KCTD2: variants seen among roughly 807,000 people sequenced by gnomAD.
KCTD2 encodes potassium channel tetramerization domain containing 2.
KCTD2 carries 18 observed loss-of-function variants against 27.9 expected under a neutral mutation model. That is an observed-to-expected ratio of 0.64 (90% CI 0.45 to 0.96). The LOEUF is 0.96. Ranked by LOEUF, KCTD2 falls within the 40% of genes least tolerant of loss-of-function variation. KCTD2 has a pLI of 0.00. For synonymous variants in KCTD2, 175 were observed against 148.4 expected, an observed-to-expected ratio of 1.18 and a Z score of -1.30; for missense variants, 280 against 348.0, an observed-to-expected ratio of 0.80 and a Z score of 1.56.
intron 3 of KCTD2, among the ~76,000 whole-genome samples, chr17:75,038,284 C>A (rs1004771861): frequency 5.3e-5 from 8 of 151,580 alleles, no homozygotes; most frequent in Admixed American, 2.6e-4. Context: ...ACAGGCGCCC[C>A]CCGCCCCACC....
chr17:75,060,702 C>T (rs1044721073), intron 4 of KCTD2: 24 of 1,037,494 alleles, frequency 2.3e-5, no homozygotes, highest in Non-Finnish European at 2.8e-5. Context: ...GGGTCTCGGT[C>T]GCCGCCACTC....
At chr17:75,054,006 A>G (rs2073322844) in intron 3 of KCTD2, among the ~76,000 whole-genome samples, 1 of 151,132 alleles carries the variant, frequency 6.6e-6, no homozygotes, top group East Asian at 2.0e-4. Context: ...GCTCTTTATG[A>G]TGGTGTCTTG....
At chr17:75,052,654 C>A (rs188297186) in intron 2 of KCTD2, among the ~76,000 whole-genome samples, 1 of 152,142 alleles carries the variant, frequency 6.6e-6, no homozygotes. Context: ...ACCCAGCAGG[C>A]GGAGTTTGCA....
chr17:75,052,618 A>G (rs11651848), intron 2 of KCTD2, among the ~76,000 whole-genome samples: 151,590 of 152,360 alleles, frequency 0.99, 75,417 homozygotes, highest in East Asian at 1. Context: ...AGCTACTTGG[A>G]AGGCTGAGGC....
At chr17:75,058,184 C>T (rs1401026122) in intron 3 of KCTD2, among the ~76,000 whole-genome samples, 3 of 151,944 alleles carry the variant, frequency 2.0e-5, no homozygotes, top group East Asian at 2.0e-4. Context: ...CTTAGCCAAG[C>T]GTGGTGGTGG....
At chr17:75,042,478 G>C (rs2073171181), upstream of KCTD2, 2 of 1,593,142 alleles carry the variant, frequency 1.3e-6, no homozygotes, top group Non-Finnish European at 1.7e-6. Context: ...ATACTGTTTT[G>C]TTTCTAGATT....
upstream of KCTD2, among the ~76,000 whole-genome samples, chr17:75,044,524 TAG>T (rs1309016908): frequency 6.8e-6 from 1 of 146,548 alleles, no homozygotes; most frequent in Non-Finnish European, 1.5e-5. Flanking sequence ...GTATTTTTAG[TAG>T]AGACAGGGTT....
intron 3 of KCTD2, 83 bp downstream of exon 3, chr17:75,053,188 C>T: frequency 9.4e-7 from 1 of 1,058,876 alleles, no homozygotes; most frequent in Non-Finnish European, 1.4e-6. Flanking sequence ...GATGCCTTTA[C>T]CCTTAGAGCT....
At chr17:75,050,865 C>CAA (rs2073276766) in intron 2 of KCTD2, among the ~76,000 whole-genome samples, 1 of 151,504 alleles carries the variant, frequency 6.6e-6, no homozygotes, top group African/African-American at 2.4e-5. Flanking sequence ...TTTTAAGAGT[C>CAA]AGAGTCTATC....
intron 2 of KCTD2, among the ~76,000 whole-genome samples, chr17:75,051,056 C>G (rs901909034): frequency 6.7e-6 from 1 of 150,368 alleles, no homozygotes; most frequent in African/African-American, 2.5e-5. Context: ...TCACTGCAAG[C>G]TCCACCTCCC....
chr17:75,053,450 T>C (rs955686668), intron 3 of KCTD2, among the ~76,000 whole-genome samples: 3 of 152,034 alleles, frequency 2.0e-5, no homozygotes, highest in African/African-American at 7.3e-5. Flanking sequence ...CCGCTCTTTT[T>C]TTTTTTATGA....
intron 3 of KCTD2, among the ~76,000 whole-genome samples, chr17:75,056,775 T>G (rs542645113): frequency 5.7e-4 from 87 of 152,194 alleles, no homozygotes; most frequent in African/African-American, 2.1e-3. Flanking sequence ...CTTTATTTTT[T>G]TGTGTGTGGA....
chr17:75,033,196 T>TG (rs1269585117), intron 1 of KCTD2: 1 of 152,140 alleles, frequency 6.6e-6, no homozygotes, highest in African/African-American at 2.4e-5. Context: ...TTTGAACTCC[T>TG]GGGCTCAAGC....
Position 75,059,498 on chromosome 17 carries a change from T to C in KCTD2, c.541-12T>C, listed in dbSNP as rs546175167. 5.6e-6 allele frequency: 9 copies of C among 1,606,760 alleles called. No homozygotes were observed. In the South Asian group the frequency reaches 9.9e-5, roughly 18 times the overall value. ...CTTGGTGCTGTTCTCAGTCTGCGCCTGGTCATTGCAGGGCCCCGTGAAGCA... is the reference window on the plus strand; with the variant it reads ...CTTGGTGCTGTTCTCAGTCTGCGCCCGGTCATTGCAGGGCCCCGTGAAGCA... On this transcript the variant is annotated splice_polypyrimidine_tract_variant and intron_variant, in intron 3 of 5. Transcript: ENST00000322444.
intron 4 of KCTD2, among the ~76,000 whole-genome samples, chr17:75,061,092 T>C (rs2073399972): frequency 6.6e-6 from 1 of 152,234 alleles, no homozygotes; most frequent in Admixed American, 6.5e-5. Flanking sequence ...CTAAAATGAA[T>C]AATTTCTTGT....
chr17:75,036,152 C>A, intron 3 of KCTD2: 1 of 408,982 alleles, frequency 2.4e-6, no homozygotes, highest in Non-Finnish European at 5.0e-6. Context: ...CTCCTGGGTT[C>A]ACGCCATTCT....
chr17:75,048,035 C>T (rs747232585), intron 1 of KCTD2, among the ~76,000 whole-genome samples: 9 of 152,230 alleles, frequency 5.9e-5, no homozygotes, highest in Non-Finnish European at 1.2e-4. Flanking sequence ...TCGGACCCCT[C>T]TGCCAAGTTG....
chr17:75,062,169 A>G lies in KCTD2; in HGVS notation c.686A>G (p.Glu229Gly), dbSNP rs1343882315. The G allele has an allele frequency of 6.2e-7, 1 of 1,613,944 alleles. No homozygotes were observed. Among genetic ancestry groups the G allele is most frequent in the Non-Finnish European group, 8.5e-7 (1 of 1,179,940 alleles). ...SYNYGNEDQA[E>G]FLCVVSRELN... ...AACTACGGCAATGAGGATCAGGCAG[A>G]ATTCCTCTGTGTTGTCTCCAGAGAA... The change falls in exon 5 of 6, where the codon GAA (glutamate) becomes GGA (glycine). Residue 229 changes from glutamate to glycine, a missense_variant. Transcript: ENST00000322444.
chr17:75,034,436 C>CA, intron 2 of KCTD2, among the ~76,000 whole-genome samples: 1 of 152,322 alleles, frequency 6.6e-6, no homozygotes, highest in South Asian at 2.1e-4. Flanking sequence ...CTCGACACCC[C>CA]AGGTGGGACT....
Sources: gnomAD v4.1 joint callset for allele counts (sites outside exome capture counted in the v4.1 genomes callset) on GRCh38, gnomAD v4.1.1 for gene constraint, MANE v1.5 for transcripts, NCBI Gene and HGNC (gene_info 2026-07-23, HGNC 2026-07-21) for gene names.